Variants in NR3C2 observed in about 807,000 individuals in gnomAD.
NR3C2 encodes the protein mineralocorticoid receptor.
A neutral mutation model predicts 86.4 loss-of-function variants in NR3C2; 15 were observed. That is an observed-to-expected ratio of 0.17 (90% CI 0.12 to 0.27). The LOEUF (loss-of-function observed/expected upper bound fraction) is 0.27, where lower values mean the gene tolerates loss of function less well. NR3C2 is among the 10% of genes least tolerant of loss of function. The pLI is 1.00. For synonymous variants in NR3C2, 458 were observed against 450.5 expected, an observed-to-expected ratio of 1.02 and a Z score of -0.21; for missense variants, 960 against 1,195.6, an observed-to-expected ratio of 0.80 and a Z score of 2.91.
intron 8 of NR3C2, among the ~76,000 whole-genome samples, chr4:148,082,786 C>T (rs894487283): frequency 6.6e-6 from 1 of 151,908 alleles, no homozygotes; most frequent in Admixed American, 6.6e-5. Flanking sequence ...GCGGATCCCA[C>T]CACCACGGAG....
chr4:148,099,066 C>A (rs1346064884), intron 8 of NR3C2, among the ~76,000 whole-genome samples: 1 of 152,216 alleles, frequency 6.6e-6, no homozygotes, highest in African/African-American at 2.4e-5. Flanking sequence ...CCTGGCCACA[C>A]CTGCAAGGTG....
chr4:148,213,168 T>C (rs1488479730), intron 3 of NR3C2, among the ~76,000 whole-genome samples: 1 of 151,380 alleles, frequency 6.6e-6, no homozygotes, highest in Non-Finnish European at 1.5e-5. Context: ...ACCACACTTC[T>C]CTAGGAGGAG....
Position 148,246,537 on chromosome 4 carries a change from T to C in NR3C2, c.1897+13441A>G, listed in dbSNP as rs542133563. ...ATCCTAATCAGAAATGTTAGGAGTA[T>C]GTTTAATTTTATTATTTTATTTTAT... On this transcript the variant is annotated intron_variant, in intron 3 of 8. Coordinates refer to ENST00000358102, the MANE Select transcript of NR3C2 (RefSeq NM_000901.5). Among the ~76,000 whole-genome samples, 4 of 152,170 alleles carry C rather than the reference T, an allele frequency of 2.6e-5. No homozygotes were observed. The South Asian group carries it at 8.3e-4, about 32-fold the overall frequency.
chr4:148,435,559 A>C lies in NR3C2; in HGVS notation c.1302T>G (p.His434Gln). Residue 434 changes from histidine to glutamine, a missense_variant, in exon 2 of 9, where the codon CAT becomes CAG. Transcript: ENST00000358102. ...SVPIKQESTK[H>Q]SCSGTSFKGN... ...CTTTAAAAGAGGTGCCTGAACATGA[A>C]TGCTTGGTTGATTCTTGCTTTATTG... is the stretch of plus-strand genomic sequence containing the variant. The C allele has an allele frequency of 3.1e-6, 5 of 1,614,072 alleles. No individual in the cohort carries two copies. Among genetic ancestry groups the C allele is most frequent in the Non-Finnish European group, 4.2e-6 (5 of 1,180,020 alleles).
At chr4:148,369,380 A>G (rs1367287621) in intron 2 of NR3C2, among the ~76,000 whole-genome samples, 3 of 152,164 alleles carry the variant, frequency 2.0e-5, no homozygotes, top group Non-Finnish European at 2.9e-5. Context: ...CCCTTCCAAT[A>G]TGTTTAATTT....
chr4:148,114,321 G>C lies in NR3C2; in HGVS notation c.2642-60C>G, dbSNP rs527725446. The C allele has an allele frequency of 5.1e-6, 8 of 1,582,438 alleles. No individual in the cohort carries two copies. In the Admixed American group the frequency reaches 5.1e-5, roughly 10 times the overall value. ...GATGGAAAACAACTTTAGCATCTTG[G>C]CAGGTAAAGTCATATACTGATTTTG... On this transcript the variant is annotated intron_variant, in intron 7 of 8. Coordinates refer to ENST00000358102, the MANE Select transcript of NR3C2 (RefSeq NM_000901.5).
chr4:148,261,296 TGCTATGGTGCGCTATGGTAAGC>T (rs1393469645), intron 2 of NR3C2, among the ~76,000 whole-genome samples: 328 of 118,412 alleles, frequency 2.8e-3, no homozygotes, highest in Admixed American at 6.0e-3. Flanking sequence ...CTATGGTAAG[TGCTATGGTGCGCTATGGTAAGC>T]GCTATGGTGC....
chr4:148,217,930 C>A (rs543249833), intron 3 of NR3C2, among the ~76,000 whole-genome samples: 1 of 152,322 alleles, frequency 6.6e-6, no homozygotes, highest in South Asian at 2.1e-4. Context: ...TATCTTTGAA[C>A]ATAAGGACAA....
chr4:148,285,121 C>T (rs1234058549), intron 2 of NR3C2, among the ~76,000 whole-genome samples: 3 of 152,196 alleles, frequency 2.0e-5, no homozygotes, highest in South Asian at 4.1e-4. Flanking sequence ...TACCCTACAA[C>T]TGTCATGTGA....
chr4:148,298,183 A>G (rs34636256), intron 2 of NR3C2, among the ~76,000 whole-genome samples: 31,496 of 152,228 alleles, frequency 0.21, 4,117 homozygotes, highest in East Asian at 0.43. Context: ...AATAAAAGAC[A>G]TATAAACTGT....
chr4:148,296,983 T>C (rs1316095674), intron 2 of NR3C2, among the ~76,000 whole-genome samples: 1 of 152,198 alleles, frequency 6.6e-6, no homozygotes, highest in Non-Finnish European at 1.5e-5. Flanking sequence ...TCACTAGCAA[T>C]ACTTTTTTTA....
intron 2 of NR3C2, among the ~76,000 whole-genome samples, chr4:148,348,616 A>G (rs1428409860): frequency 6.6e-6 from 1 of 152,052 alleles, no homozygotes; most frequent in African/African-American, 2.4e-5. Context: ...ATGAACTCCA[A>G]TTTTTGTACT....
intron 2 of NR3C2, among the ~76,000 whole-genome samples, chr4:148,388,556 A>G (rs966048811): frequency 6.6e-6 from 1 of 152,250 alleles, no homozygotes; most frequent in East Asian, 1.9e-4. Context: ...ACAACACATC[A>G]TCACATCAAA....
At chr4:148,288,892 G>A (rs1741661594) in intron 2 of NR3C2, among the ~76,000 whole-genome samples, 1 of 152,116 alleles carries the variant, frequency 6.6e-6, no homozygotes, top group Admixed American at 6.6e-5. Flanking sequence ...GTGGGAATAA[G>A]TTTAGTGCTA....
chr4:148,376,866 T>C (rs552200578), intron 2 of NR3C2, among the ~76,000 whole-genome samples: 1 of 152,314 alleles, frequency 6.6e-6, no homozygotes, highest in African/African-American at 2.4e-5. Context: ...GAAAACTTAG[T>C]TTTATAACCA....
chr4:148,325,910 T>C lies in NR3C2; in HGVS notation c.1758-65793A>G, dbSNP rs146568962. Among the ~76,000 whole-genome samples the C allele has an allele frequency of 1.8e-3, 281 of 152,338 alleles. 7 individuals are homozygous for C. The East Asian group carries it at 0.05, about 27-fold the overall frequency. On this transcript the variant is annotated intron_variant, in intron 2 of 8. Coordinates refer to ENST00000358102, the MANE Select transcript of NR3C2 (RefSeq NM_000901.5). ...AGACGTGTGCTAGTTTGGATGCATTTATCAGATTCTGTAAGTTTTTAATTT... is the reference window on the plus strand; with the variant it reads ...AGACGTGTGCTAGTTTGGATGCATTCATCAGATTCTGTAAGTTTTTAATTT...
chr4:148,342,540 C>A (rs999148215), intron 2 of NR3C2, among the ~76,000 whole-genome samples: 2 of 152,138 alleles, frequency 1.3e-5, no homozygotes, highest in South Asian at 2.1e-4. Context: ...TATTTCATAT[C>A]TGATGAAGCT....
Position 148,435,896 on chromosome 4 carries a change from A to C in NR3C2, c.965T>G (p.Leu322Arg). The change falls in exon 2 of 9, where the codon CTT (leucine) becomes CGT (arginine). Residue 322 changes from leucine (L) to arginine (R), a missense_variant. Leu to Arg is a moderately radical substitution (Grantham distance 102). Transcript: ENST00000358102. ...SPSNTNNRST[L>R]SSPAASTVGS... ...CACAGTACTGGCTGCCGGACTGGAA[A>C]GCGTGGATCTGTTATTAGTGTTCGA... 5 of 1,614,206 alleles carry C rather than the reference A, an allele frequency of 3.1e-6. No individual in the cohort carries two copies. The Middle Eastern group carries it at 8.2e-4, about 266-fold the overall frequency.
intron 6 of NR3C2, among the ~76,000 whole-genome samples, chr4:148,147,954 T>A (rs572591909): frequency 6.6e-6 from 1 of 152,364 alleles, no homozygotes; most frequent in South Asian, 2.1e-4. Flanking sequence ...TCTCTTTCCT[T>A]GCGATCCATG....
Sources: gnomAD v4.1 joint callset for allele counts (sites outside exome capture counted in the v4.1 genomes callset) on GRCh38, gnomAD v4.1.1 for gene constraint, MANE v1.5 for transcripts, NCBI Gene and HGNC (gene_info 2026-07-23, HGNC 2026-07-21) for gene names.